RGS4: variants seen among roughly 807,000 people sequenced by gnomAD.
RGS4 encodes the protein schizophrenia disorder 9.
RGS4 carries 15 observed loss-of-function variants against 21.6 expected under a neutral mutation model. The observed-to-expected ratio is 0.69, with a 90% CI of 0.46 to 1.07. The LOEUF (loss-of-function observed/expected upper bound fraction) is 1.07. Among genes scored for constraint, RGS4 ranks in the 50% least tolerant of loss-of-function variants. RGS4 has a pLI of 0.00. For synonymous variants in RGS4, 94 were observed against 85.5 expected, an observed-to-expected ratio of 1.10 and a Z score of -0.55; for missense variants, 237 against 239.0, an observed-to-expected ratio of 0.99 and a Z score of 0.06.
At chr1:163,069,221 G>A, upstream of RGS4, 1 of 1,533,902 alleles carries the variant, frequency 6.5e-7, no homozygotes, top group Non-Finnish European at 8.8e-7. Context: ...CATTGCTGAT[G>A]CGTCAGTCTT....
At chr1:163,074,002 C>A in intron 4 of RGS4, 1 of 392,872 alleles carries the variant, frequency 2.5e-6, no homozygotes, top group Non-Finnish European at 4.5e-6. Context: ...TCTTGACAAC[C>A]CCAAATAAAT....
rs1029325728 is a variant in RGS4 at position 163,074,751 on chromosome 1, G to C, written c.*191G>C. ...TTTTGGTGTTTGAGTGTTCATCAGGGTGGGACCCCATTCCAGTCCAATTTT... is the reference window on the plus strand; with the variant it reads ...TTTTGGTGTTTGAGTGTTCATCAGGCTGGGACCCCATTCCAGTCCAATTTT... On this transcript the variant is annotated 3_prime_UTR_variant, in exon 5 of 5. Coordinates refer to ENST00000367909, the MANE Select transcript of RGS4 (RefSeq NM_005613.6). The C allele has an allele frequency of 4.9e-6, 4 of 823,594 alleles. No homozygotes were observed. In the Admixed American group the frequency reaches 6.3e-5, roughly 13 times the overall value. 51.0% of individuals were successfully genotyped at this position (823,594 alleles called of 1,614,324 possible). A position where few individuals can be genotyped will look rare whatever the true frequency, so the allele number is the denominator to read the frequency against.
chr1:163,072,298 C>A (rs1277560932), intron 1 of RGS4, 97 bp from the exon 2 acceptor site: 1 of 986,556 alleles, frequency 1.0e-6, no homozygotes, highest in African/African-American at 1.6e-5. Context: ...TGTCTCTGAG[C>A]CATAGACTAG....
At chr1:163,070,897 G>C (rs1655278565) in intron 1 of RGS4, among the ~76,000 whole-genome samples, 1 of 152,140 alleles carries the variant, frequency 6.6e-6, no homozygotes, top group Admixed American at 6.5e-5. Flanking sequence ...TGAGGCTCCA[G>C]AGGAGCCATT....
At chr1:163,071,565 G>A (rs768204191) in intron 1 of RGS4, among the ~76,000 whole-genome samples, 36 of 151,554 alleles carry the variant, frequency 2.4e-4, no homozygotes, top group Non-Finnish European at 4.4e-4. Context: ...GAGCTCTAAT[G>A]TGCCCTGGCT....
rs760116562 is a variant in RGS4, at chr1:163,072,449, T to A, written c.99T>A (p.Cys33Ter). Residue 33 changes from cysteine (C) to a stop codon, truncating the protein, a stop_gained, in exon 2 of 5, where the codon TGT becomes TGA. Coordinates refer to ENST00000367909, the MANE Select transcript of RGS4 (RefSeq NM_005613.6). LOFTEE classifies it high-confidence loss of function. ...TCCTGCTGCAAAAATCTGATTCCTG[T>A]GAACACAATTCTTCCCACAACAAGA... ...LGFLLQKSDS[C>*]EHNSSHNKKD... The A allele has an allele frequency of 6.2e-7, 1 of 1,613,334 alleles. No homozygotes were observed. The highest frequency in any genetic ancestry group is 8.5e-7 in the Non-Finnish European group (1 of 1,179,544).
At position 163,069,390 on chromosome 1, in the gene RGS4, T is replaced by G. The variant is rs1158488096; in HGVS notation, c.-95T>G. The G allele has an allele frequency of 6.3e-7, 1 of 1,590,790 alleles. No individual in the cohort carries two copies. Among genetic ancestry groups the G allele is most frequent in the Non-Finnish European group, 8.6e-7 (1 of 1,167,112 alleles). ...CGCTCAGAGGATTCTGACAATATCT[T>G]TACCGGAGAAGAGGCAAAGTACGCT... is the stretch of plus-strand genomic sequence containing the variant. On this transcript the variant is annotated 5_prime_UTR_variant, in exon 1 of 5. Coordinates refer to ENST00000367909, the MANE Select transcript of RGS4 (RefSeq NM_005613.6).
upstream of RGS4, chr1:163,069,316 C>A (rs1399365088): frequency 6.4e-7 from 1 of 1,551,350 alleles, no homozygotes; most frequent in Non-Finnish European, 8.7e-7. Flanking sequence ...ATTGGCTGGA[C>A]GGTCGTAGCT....
At position 163,073,447 on chromosome 1, in the gene RGS4, G is replaced by A. The variant is rs377326798; in HGVS notation, c.212-9G>A. On this transcript the variant is annotated splice_polypyrimidine_tract_variant and intron_variant, in intron 3 of 4. Transcript: ENST00000367909. ...GATGACAACTGTGGTCCTTTCTCCT[G>A]TATCATAGGTGGGCTGGCAGCTTTC... The A allele has an allele frequency of 1.5e-5, 24 of 1,561,828 alleles. No individual in the cohort carries two copies. The highest frequency in any genetic ancestry group is 2.0e-5 in the Non-Finnish European group (23 of 1,160,998).
At chr1:163,071,993 G>T in intron 1 of RGS4, 1 of 988,256 alleles carries the variant, frequency 1.0e-6, no homozygotes. Context: ...CGTGCAGCAA[G>T]GATGTGCATC....
chr1:163,070,808 T>C (rs533604670), intron 1 of RGS4: 1 of 152,300 alleles, frequency 6.6e-6, no homozygotes, highest in Admixed American at 6.5e-5. Flanking sequence ...AAACTCTATG[T>C]CAGCAGGATG....
In RGS4 at chr1:163,072,484, T is replaced by C; in HGVS notation, c.134T>C (p.Val45Ala). Residue 45 changes from valine to alanine, a missense_variant, in exon 2 of 5, where the codon GTG (valine) becomes GCG (alanine). By Grantham distance (64) the Val-to-Ala change is moderately conservative (BLOSUM62 0). Coordinates refer to ENST00000367909, the MANE Select transcript of RGS4 (RefSeq NM_005613.6). ...HNSSHNKKDK[V>A]VICQRVSQEE... Reference sequence around the variant, plus strand: ...TCTTCCCACAACAAGAAGGACAAAGTGGTTATTTGCCAGAGGTAAGAGAAA... The same window carrying C: ...TCTTCCCACAACAAGAAGGACAAAGCGGTTATTTGCCAGAGGTAAGAGAAA... The C allele has an allele frequency of 6.2e-7, 1 of 1,611,612 alleles. No individual in the cohort carries two copies. The highest frequency in any genetic ancestry group is 8.5e-7 in the Non-Finnish European group (1 of 1,178,052).
chr1:163,072,241 T>C, intron 1 of RGS4, 154 bp from the exon 2 acceptor site: 1 of 862,618 alleles, frequency 1.2e-6, no homozygotes, highest in Non-Finnish European at 1.7e-6. Flanking sequence ...AAGAGGAATC[T>C]TGTTTTCCTC....
intron 1 of RGS4, chr1:163,071,855 G>GCCGC (rs1557859054): frequency 5.5e-4 from 1 of 1,816 alleles, no homozygotes; most frequent in Non-Finnish European, 1.0e-3. Context: ...GGAACTGCTT[G>GCCGC]CCCCCCCCCC....
chr1:163,074,376 C>A lies in RGS4; in HGVS notation c.434C>A (p.Thr145Lys). The A allele has an allele frequency of 6.2e-7, 1 of 1,613,854 alleles. No individual in the cohort carries two copies. The highest frequency in any genetic ancestry group is 8.5e-7 in the Non-Finnish European group (1 of 1,179,826). ...ACAAGCCGGAACATGCTAGAGCCTA[C>A]AATAACCTGCTTTGATGAGGCCCAG... ...EETSRNMLEP[T>K]ITCFDEAQKK... The change falls in exon 5 of 5, where the codon ACA (threonine) becomes AAA (lysine). Residue 145 changes from threonine to lysine, a missense_variant. Physicochemically the swap from Thr to Lys is moderately conservative, Grantham distance 78. Transcript: ENST00000367909.
upstream of RGS4, chr1:163,069,352 C>T: frequency 6.4e-7 from 1 of 1,556,300 alleles, no homozygotes; most frequent in Non-Finnish European, 8.7e-7. Context: ...CCCCTACAGG[C>T]TTAGCAGGAA....
chr1:163,068,887 G>T (rs1229491516), upstream of RGS4: 3 of 1,315,756 alleles, frequency 2.3e-6, no homozygotes, highest in East Asian at 4.7e-5. Context: ...TGGAGACGAT[G>T]ATCCTGCCAG....
rs778183516 is a variant in RGS4 at position 163,074,456 on chromosome 1, C to A, written c.514C>A (p.Arg172=). Residue 172 remains arginine, a synonymous_variant, in exon 5 of 5, where the codon CGA becomes AGA. Transcript: ENST00000367909. ...TTCCTACCGCCGCTTCCTCAAGTCT[C>A]GATTCTATCTTGATTTGGTCAACCC... The part of the protein sequence containing the change: ...KDSYRRFLKS[R]FYLDLVNPSS... 6 of 1,613,878 alleles carry A rather than the reference C, an allele frequency of 3.7e-6. No individual in the cohort carries two copies. The Admixed American group carries it at 8.3e-5, about 22-fold the overall frequency.
chr1:163,072,132 C>A, intron 1 of RGS4: 5 of 1,161,482 alleles, frequency 4.3e-6, no homozygotes, highest in South Asian at 6.8e-5. Flanking sequence ...AAAGGCTTCT[C>A]AGGTTTCTGA....
Sources: allele counts gnomAD v4.1 joint callset (sites outside exome capture counted in the v4.1 genomes callset), GRCh38; gene constraint gnomAD v4.1.1; transcripts MANE v1.5; gene names NCBI Gene and HGNC (gene_info 2026-07-23, HGNC 2026-07-21).